The following CASTOR1 variants were observed in gnomAD, a reference collection of about 807,000 sequenced individuals.
CASTOR1 encodes the protein GATS protein like 3.
In CASTOR1, 18 loss-of-function variants were observed where a neutral mutation model predicts 33.7. The ratio of observed to expected loss-of-function variants is 0.53; its 90% CI spans 0.37 to 0.79. The LOEUF (loss-of-function observed/expected upper bound fraction) is 0.79. CASTOR1 is among the 30% of genes least tolerant of loss of function. The pLI, the probability that CASTOR1 is intolerant of heterozygous loss-of-function variation, is 0.00. For missense variants in CASTOR1, 362 were observed against 446.3 expected (o/e 0.81, Z 1.70); for synonymous variants, 175 against 190.6 (o/e 0.92, Z 0.67).
Position 30,285,636 on chromosome 22 carries a change from T to C in CASTOR1, c.974A>G (p.Glu325Gly). The C allele has an allele frequency of 6.4e-7, 1 of 1,566,894 alleles. No homozygotes were observed. Residue 325 changes from glutamate to glycine, a missense_variant, in exon 9 of 9, where the codon GAA becomes GGA. Physicochemically the swap from Glu to Gly is moderately conservative, Grantham distance 98 (BLOSUM62 -2). Coordinates refer to ENST00000407689, the MANE Select transcript of CASTOR1 (RefSeq NM_001037666.3). ...CCATGGGCCTCAGGAAGCCAGGCCT[T>C]CCTGCCGCCGCTGGAGGACCTCGAT... ...SVIEVLQRRQ[E>G]GLAS is the part of the protein sequence containing the mutation.
intron 1 of CASTOR1, chr22:30,289,133 C>A: frequency 1.8e-6 from 1 of 570,496 alleles, no homozygotes; most frequent in South Asian, 2.1e-5. Context: ...GTAGGAATGC[C>A]CCCATTTGAC....
chr22:30,287,757 C>T, intron 2 of CASTOR1, 197 bp from the exon 3 acceptor site: 1 of 705,272 alleles, frequency 1.4e-6, no homozygotes, highest in Admixed American at 2.0e-5. Flanking sequence ...TGAAACTTCC[C>T]ACTTAAGATC....
chr22:30,286,330 T>G lies in CASTOR1; in HGVS notation c.676A>C (p.Thr226Pro). The part of the protein sequence containing the change: ...ASSSPEPSSI[T>P]FFAFSLIEGY... ...TCGATGAGGGAGAAGGCAAAGAACG[T>G]GATGGAGCTGGGTTCAGGACTGCTA... Residue 226 changes from threonine to proline, a missense_variant, in exon 6 of 9, where the codon ACG becomes CCG. Thr to Pro is a conservative substitution (Grantham distance 38). Transcript: ENST00000407689. 6.2e-7 allele frequency: 1 copy of G among 1,614,072 alleles called. No individual in the cohort carries two copies. The highest frequency in any genetic ancestry group is 1.6e-4 in the Middle Eastern group (1 of 6,062).
Position 30,285,526 on chromosome 22 carries a change from G to T in CASTOR1, c.*94C>A. The T allele has an allele frequency of 9.8e-7, 1 of 1,016,304 alleles. No homozygotes were observed. Among genetic ancestry groups the T allele is most frequent in the Non-Finnish European group, 1.5e-6 (1 of 683,822 alleles). 63.0% of individuals were successfully genotyped at this position (1,016,304 alleles called of 1,614,324 possible). A position where few individuals can be genotyped will look rare whatever the true frequency, so the allele number is the denominator to read the frequency against. The stretch of plus-strand genomic sequence containing the variant: ...AACGAGGGTCCCCAGCAGAACAGGG[G>T]GCTCGTTCCAGAGCTTAAGGAAATA... On this transcript the variant is annotated 3_prime_UTR_variant, in exon 9 of 9. Transcript: ENST00000407689.
In CASTOR1 at chr22:30,286,868, C is replaced by T. The variant is rs377132305; in HGVS notation, c.586G>A (p.Ala196Thr). ...ACATCTATGAGGGTGGTGGCGATGG[C>T]TGGAAGCGTCTCAGGGTCCAGTGTG... ...VLTLDPETLP[A>T]IATTLIDVLF... is the part of the protein sequence containing the mutation. The change falls in exon 5 of 9, where the codon GCC (alanine) becomes ACC (threonine). Residue 196 changes from alanine to threonine, a missense_variant. Transcript: ENST00000407689. 256 of 1,614,210 alleles carry T rather than the reference C, an allele frequency of 1.6e-4. No homozygotes were observed. The highest frequency in any genetic ancestry group is 2.0e-4 in the Non-Finnish European group (231 of 1,180,044).
At chr22:30,286,581 C>T (rs1929776098) in intron 5 of CASTOR1, 3 of 666,454 alleles carry the variant, frequency 4.5e-6, no homozygotes, top group Non-Finnish European at 7.8e-6. Context: ...GTGCCAAAAA[C>T]AAAGGATTCC....
intron 2 of CASTOR1, chr22:30,287,814 A>C (rs1929819864): frequency 1.5e-6 from 1 of 676,878 alleles, no homozygotes; most frequent in Non-Finnish European, 2.7e-6. Context: ...CAGCTTTGTT[A>C]ATTTGTCTTA....
Position 30,287,574 on chromosome 22 carries a change from A to T in CASTOR1, c.185-14T>A. ...ATGGGGGCAGCTCTGTGGGCAGGGG[A>T]CATGTCAGGTCAGGGTCTACAAGGC... On this transcript the variant is annotated splice_polypyrimidine_tract_variant and intron_variant, in intron 2 of 8. Coordinates refer to ENST00000407689, the MANE Select transcript of CASTOR1 (RefSeq NM_001037666.3). 1 of 1,601,772 alleles carries T rather than the reference A, an allele frequency of 6.2e-7. No homozygotes were observed. The highest frequency in any genetic ancestry group is 8.5e-7 in the Non-Finnish European group (1 of 1,174,476).
intron 2 of CASTOR1, among the ~76,000 whole-genome samples, chr22:30,288,364 T>C (rs985299250): frequency 6.6e-6 from 1 of 152,142 alleles, no homozygotes; most frequent in Non-Finnish European, 1.5e-5. Context: ...TACCCAGGGA[T>C]TTCTAACAGC....
chr22:30,287,493 G>A lies in CASTOR1; in HGVS notation c.252C>T (p.His84=). Residue 84 remains histidine (H), a synonymous_variant, in exon 3 of 9, where the codon CAC becomes CAT. Transcript: ENST00000407689. ...ATWLVLNVSS[H]SGAAVQAAGV... ...CAGCAGCCTGCACTGCCGCACCGCT[G>A]TGAGACGACACGTTCAGCACCAGCC... is the stretch of plus-strand genomic sequence containing the variant. The A allele has an allele frequency of 6.2e-7, 1 of 1,613,442 alleles. No individual in the cohort carries two copies. Among genetic ancestry groups the A allele is most frequent in the East Asian group, 2.2e-5 (1 of 44,890 alleles).
In CASTOR1 at chr22:30,286,066, G is replaced by C. The variant is rs754982494; in HGVS notation, c.776C>G (p.Ser259Trp). 1 of 1,582,194 alleles carries C rather than the reference G, an allele frequency of 6.3e-7. No individual in the cohort carries two copies. Among genetic ancestry groups the C allele is most frequent in the South Asian group, 1.2e-5 (1 of 85,426 alleles). The part of the protein sequence containing the change: ...FPSDLLLTSS[S>W]GELWRMVRIG... ...GCGCACCATCCTCCACAGCTCCCCC[G>C]AGGAGCTGGTCAGCAGGAGGTCACT... The change falls in exon 7 of 9, where the codon TCG becomes TGG. Residue 259 changes from serine (S) to tryptophan (W), a missense_variant. Transcript: ENST00000407689.
chr22:30,287,181 C>A lies in CASTOR1; in HGVS notation c.479G>T (p.Ser160Ile). The part of the protein sequence containing the change: ...EPVPVTRDDS[S>I]NGFPRTQHGP... ...ATGCTGAGTGCGGGGAAAGCCATTG[C>A]TGGAATCATCCCTCGTCACAGGCAC... Residue 160 changes from serine (S) to isoleucine (I), a missense_variant, in exon 4 of 9, where the codon AGC becomes ATC. Coordinates refer to ENST00000407689, the MANE Select transcript of CASTOR1 (RefSeq NM_001037666.3). 1.2e-6 allele frequency: 2 copies of A among 1,611,268 alleles called. No homozygotes were observed. The highest frequency in any genetic ancestry group is 1.7e-6 in the Non-Finnish European group (2 of 1,178,350).
intron 5 of CASTOR1, 99 bp downstream of exon 5, chr22:30,286,726 G>C (rs763110478): frequency 1.2e-5 from 17 of 1,462,830 alleles, no homozygotes; most frequent in Non-Finnish European, 1.5e-5. Flanking sequence ...CCCAAGAGAG[G>C]ACAAGCAAGA....
At position 30,289,388 on chromosome 22, in the gene CASTOR1, C is replaced by G; in HGVS notation, c.110G>C (p.Ser37Thr). ...LIKLLFLPRR[S>T]RCKFFSLTET... is the part of the protein sequence containing the mutation. ...GCTCCCGAACCCGGGCGCGCACCGGCTGCGGCGGGGCAGGAAGAGCAGCTT... is the reference window on the plus strand; with the variant it reads ...GCTCCCGAACCCGGGCGCGCACCGGGTGCGGCGGGGCAGGAAGAGCAGCTT... Residue 37 changes from serine to threonine, a missense_variant, in exon 1 of 9, where the codon AGC (serine) becomes ACC (threonine). Physicochemically the swap from Ser to Thr is moderately conservative, Grantham distance 58 (BLOSUM62 1). Coordinates refer to ENST00000407689, the MANE Select transcript of CASTOR1 (RefSeq NM_001037666.3). 1 of 1,600,754 alleles carries G rather than the reference C, an allele frequency of 6.2e-7. No homozygotes were observed. Among genetic ancestry groups the G allele is most frequent in the East Asian group, 2.3e-5 (1 of 44,236 alleles).
chr22:30,288,728 C>T lies in CASTOR1; in HGVS notation c.162G>A (p.Met54Ile). The change falls in exon 2 of 9, where the codon ATG (methionine) becomes ATA (isoleucine). Residue 54 changes from methionine to isoleucine, a missense_variant. Transcript: ENST00000407689. Reference protein sequence around the residue: ...LTETPEDYTLMVDEEGFKELP... With the variant: ...LTETPEDYTLIVDEEGFKELP... Reference sequence around the variant, plus strand: ...CACCTTTAAAGCCCTCCTCGTCCACCATAAGCGTGTAATCCTCAGGGGTCT... The same window carrying T: ...CACCTTTAAAGCCCTCCTCGTCCACTATAAGCGTGTAATCCTCAGGGGTCT... 2 of 1,612,914 alleles carry T rather than the reference C, an allele frequency of 1.2e-6. No homozygotes were observed. Among genetic ancestry groups the T allele is most frequent in the Non-Finnish European group, 1.7e-6 (2 of 1,179,606 alleles).
In CASTOR1 at chr22:30,285,351, T is replaced by C; in HGVS notation, c.*269A>G. 2.6e-6 allele frequency: 1 copy of C among 383,446 alleles called. No homozygotes were observed. Among genetic ancestry groups the C allele is most frequent in the East Asian group, 5.0e-5 (1 of 19,814 alleles). The allele number at this position is 383,446 out of a possible 1,614,324, so 23.8% of individuals were successfully genotyped here. ...GCAAACGCCGAGGCTGCGCAGGGAG[T>C]GATGGGTTGGGGGCTTAAGCCCCGA... On this transcript the variant is annotated 3_prime_UTR_variant, in exon 9 of 9. Coordinates refer to ENST00000407689, the MANE Select transcript of CASTOR1 (RefSeq NM_001037666.3).
intron 1 of CASTOR1, 60 bp from the exon 2 acceptor site, chr22:30,288,836 T>C: frequency 3.5e-6 from 5 of 1,426,198 alleles, no homozygotes; most frequent in Non-Finnish European, 4.8e-6. Context: ...CGGGAGTGGA[T>C]TTCTCTCCAT....
rs955903910 is a variant in CASTOR1 at position 30,285,578 on chromosome 22, G to C, written c.*42C>G. 1 of 1,459,316 alleles carries C rather than the reference G, an allele frequency of 6.9e-7. No homozygotes were observed. Among genetic ancestry groups the C allele is most frequent in the Non-Finnish European group, 9.4e-7 (1 of 1,068,276 alleles). The allele number at this position is 1,459,316 out of a possible 1,614,324, so 90.4% of individuals were successfully genotyped here. A position where few individuals can be genotyped will look rare whatever the true frequency, so the allele number is the denominator to read the frequency against. On this transcript the variant is annotated 3_prime_UTR_variant, in exon 9 of 9. Transcript: ENST00000407689. ...CTTAGAGAAGTCTTTGGAAGCCTGGGTCGAGGGGAGAGCAGGGAGGCTGCT... is the reference window on the plus strand; with the variant it reads ...CTTAGAGAAGTCTTTGGAAGCCTGGCTCGAGGGGAGAGCAGGGAGGCTGCT...
At position 30,285,586 on chromosome 22, in the gene CASTOR1, G is replaced by T. The variant is rs947048218; in HGVS notation, c.*34C>A. On this transcript the variant is annotated 3_prime_UTR_variant, in exon 9 of 9. Coordinates refer to ENST00000407689, the MANE Select transcript of CASTOR1 (RefSeq NM_001037666.3). ...AGTCTTTGGAAGCCTGGGTCGAGGGGAGAGCAGGGAGGCTGCTCTGTTGCC... is the reference window on the plus strand; with the variant it reads ...AGTCTTTGGAAGCCTGGGTCGAGGGTAGAGCAGGGAGGCTGCTCTGTTGCC... The T allele has an allele frequency of 9.5e-6, 14 of 1,473,232 alleles. No homozygotes were observed. The highest frequency in any genetic ancestry group is 1.3e-5 in the Non-Finnish European group (14 of 1,079,976). The allele number at this position is 1,473,232 out of a possible 1,614,324, so 91.3% of individuals were successfully genotyped here. A position where few individuals can be genotyped will look rare whatever the true frequency, so the allele number is the denominator to read the frequency against.
Sources: gnomAD v4.1 joint callset for allele counts (sites outside exome capture counted in the v4.1 genomes callset) on GRCh38, gnomAD v4.1.1 for gene constraint, MANE v1.5 for transcripts, NCBI Gene and HGNC (gene_info 2026-07-23, HGNC 2026-07-21) for gene names.